Variants in PCDH10 observed in about 807,000 individuals in gnomAD.
PCDH10 encodes protocadherin-10.
Under a neutral mutation model 74.4 loss-of-function variants are expected in PCDH10, and 15 were observed. That is an observed-to-expected ratio of 0.20 (90% CI 0.13 to 0.31). The LOEUF (loss-of-function observed/expected upper bound fraction) is 0.31. Among genes scored for constraint, PCDH10 ranks in the 10% least tolerant of loss-of-function variants. The probability of loss-of-function intolerance (pLI) is 1.00; values close to 1 mark genes in which losing one functional copy is unlikely to be tolerated. For synonymous variants in PCDH10, 619 were observed against 589.8 expected (o/e 1.05, Z -0.72); for missense variants, 1,260 against 1,390.2 (o/e 0.91, Z 1.49).
chr4:133,151,626 G>A lies in PCDH10; in HGVS notation c.1486G>A (p.Ala496Thr). 1.2e-6 allele frequency: 2 copies of A among 1,613,752 alleles called. No individual in the cohort carries two copies. The highest frequency in any genetic ancestry group is 1.6e-4 in the Middle Eastern group (1 of 6,062). ...SATDRDEGAN[A>T]QLAYSILECQ... ...CACCGACCGGGATGAGGGCGCCAAC[G>A]CCCAGCTTGCCTACTCTATCCTCGA... Residue 496 changes from alanine (A) to threonine (T), a missense_variant, in exon 1 of 5, where the codon GCC (alanine) becomes ACC (threonine). By Grantham distance (58) the Ala-to-Thr change is moderately conservative. Around this residue, in one of 11 missense-constraint regions of PCDH10, gnomAD observed 587 missense variants for 616.9 expected, o/e 0.95. Transcript: ENST00000264360.
At position 133,190,177 on chromosome 4, in the gene PCDH10, T is replaced by G; in HGVS notation, c.*17T>G. ...ATATGCTAGTCAATTCTACAGGACT[T>G]ACCTGAAGCAGCATGATTTGCACAA... On this transcript the variant is annotated 3_prime_UTR_variant, in exon 5 of 5. Transcript: ENST00000264360. 6.2e-7 allele frequency: 1 copy of G among 1,608,192 alleles called. No homozygotes were observed. The highest frequency in any genetic ancestry group is 8.5e-7 in the Non-Finnish European group (1 of 1,174,790).
In PCDH10 at chr4:133,182,359, C is replaced by CA. The variant is rs1001408770; in HGVS notation, c.3104-7774dup. Among the ~76,000 whole-genome samples the CA allele has an allele frequency of 2.6e-5, 4 of 151,102 alleles. No homozygotes were observed. The East Asian group carries it at 7.8e-4, about 29-fold the overall frequency. On this transcript the variant is annotated intron_variant, in intron 4 of 4. Transcript: ENST00000264360. ...TAAATATTATCAGCTCTGTACTTCT[C>CA]AAAAAAAAGGAACTGTGTATTTTTT... is the stretch of plus-strand genomic sequence containing the variant.
At chr4:133,182,821 T>C (rs1276323079) in intron 4 of PCDH10, among the ~76,000 whole-genome samples, 1 of 152,110 alleles carries the variant, frequency 6.6e-6, no homozygotes, top group Non-Finnish European at 1.5e-5. Context: ...CCTGTTATTT[T>C]TCTCCTAAGG....
rs765761244 is a variant in PCDH10 at position 133,194,516 on chromosome 4, G to C, written c.*4356G>C. The C allele has an allele frequency of 4.6e-5, 7 of 151,772 alleles. No individual in the cohort carries two copies. Among genetic ancestry groups the C allele is most frequent in the Non-Finnish European group, 8.8e-5 (6 of 67,808 alleles). 9.4% of individuals were successfully genotyped at this position (151,772 alleles called of 1,614,324 possible). On this transcript the variant is annotated 3_prime_UTR_variant, in exon 5 of 5. Transcript: ENST00000264360. ...AACTACAGTGTTTGTTACTGTGAAT[G>C]CTATAATAATACATAAGTAAAATGA... is the stretch of plus-strand genomic sequence containing the variant.
At chr4:133,197,969 TTGTGTGTGTGTGTGTG>T (rs70957500), downstream of PCDH10, among the ~76,000 whole-genome samples, 129 of 145,030 alleles carry the variant, frequency 8.9e-4, 1 homozygote, top group East Asian at 0.013. Flanking sequence ...TCTCTCAAAA[TTGTGTGTGTGTGTGTG>T]TGTGTGTGTG....
intron 4 of PCDH10, among the ~76,000 whole-genome samples, chr4:133,179,055 G>C (rs1727355077): frequency 6.6e-6 from 1 of 151,940 alleles, no homozygotes; most frequent in Non-Finnish European, 1.5e-5. Flanking sequence ...TTAGAATTGA[G>C]TTGGCCACAA....
At chr4:133,181,314 G>C (rs1376360051) in intron 4 of PCDH10, among the ~76,000 whole-genome samples, 1 of 151,674 alleles carries the variant, frequency 6.6e-6, no homozygotes, top group Non-Finnish European at 1.5e-5. Flanking sequence ...GAACTCTCAT[G>C]CCTTAATTTT....
chr4:133,195,369 T>G (rs538226648), downstream of PCDH10, among the ~76,000 whole-genome samples: 8 of 152,118 alleles, frequency 5.3e-5, no homozygotes, highest in African/African-American at 1.9e-4. Flanking sequence ...AATAAACCAA[T>G]TCAGTGGAAA....
At position 133,151,251 on chromosome 4, in the gene PCDH10, G is replaced by C; in HGVS notation, c.1111G>C (p.Ala371Pro). Reference protein sequence around the residue: ...STVKEAVSEGAAPGTVVALFS... With the variant: ...STVKEAVSEGPAPGTVVALFS... ...CGTGAAGGAAGCGGTGAGTGAGGGC[G>C]CGGCGCCCGGCACTGTGGTGGCCCT... is the stretch of plus-strand genomic sequence containing the variant. The change falls in exon 1 of 5, where the codon GCG (alanine) becomes CCG (proline). Residue 371 changes from alanine (A) to proline (P), a missense_variant. This residue lies in a region of PCDH10 where 112 missense variants were observed against 123.6 expected (regional missense o/e 0.91). Coordinates refer to ENST00000264360, the MANE Select transcript of PCDH10 (RefSeq NM_032961.3). The C allele has an allele frequency of 6.2e-7, 1 of 1,614,060 alleles. No homozygotes were observed. The highest frequency in any genetic ancestry group is 1.7e-5 in the Admixed American group (1 of 60,032).
intron 4 of PCDH10, among the ~76,000 whole-genome samples, chr4:133,175,462 C>T (rs1454351586): frequency 5.9e-5 from 9 of 151,950 alleles, no homozygotes; most frequent in Non-Finnish European, 8.8e-5. Context: ...GAAATGTTCT[C>T]GTGGCCTGGA....
chr4:133,165,659 G>A (rs531940675), intron 4 of PCDH10, among the ~76,000 whole-genome samples: 1 of 151,656 alleles, frequency 6.6e-6, no homozygotes, highest in Non-Finnish European at 1.5e-5. Context: ...GTTTCATAAT[G>A]AATATAATGT....
rs895196703 is a variant in PCDH10, at chr4:133,190,756, T to A, written c.*596T>A. ...TCAAAGCTTCTAAATAAATATAAAA[T>A]ATATATATTATATTATATAATTTTC... is the stretch of plus-strand genomic sequence containing the variant. On this transcript the variant is annotated 3_prime_UTR_variant, in exon 5 of 5. Coordinates refer to ENST00000264360, the MANE Select transcript of PCDH10 (RefSeq NM_032961.3). The A allele has an allele frequency of 2.0e-5, 3 of 149,622 alleles. No individual in the cohort carries two copies. The highest frequency in any genetic ancestry group is 7.3e-5 in the African/African-American group (3 of 41,028). The allele number at this position is 149,622 out of a possible 1,614,324, so 9.3% of individuals were successfully genotyped here.
chr4:133,197,819 G>A (rs1305727095), downstream of PCDH10, among the ~76,000 whole-genome samples: 1 of 152,056 alleles, frequency 6.6e-6, no homozygotes, highest in Non-Finnish European at 1.5e-5. Context: ...AGGAAGAAAA[G>A]AAGTGTTGGC....
At chr4:133,198,427 A>T (rs1277873544), downstream of PCDH10, among the ~76,000 whole-genome samples, 1 of 152,238 alleles carries the variant, frequency 6.6e-6, no homozygotes, top group Non-Finnish European at 1.5e-5. Context: ...AAAGAATGAA[A>T]TAAAGTGGTA....
At position 133,151,317 on chromosome 4, in the gene PCDH10, G is replaced by A. The variant is rs1302835631; in HGVS notation, c.1177G>A (p.Val393Met). 1 of 1,614,168 alleles carries A rather than the reference G, an allele frequency of 6.2e-7. No homozygotes were observed. The highest frequency in any genetic ancestry group is 8.5e-7 in the Non-Finnish European group (1 of 1,180,030). Residue 393 changes from valine (V) to methionine (M), a missense_variant, in exon 1 of 5, where the codon GTG (valine) becomes ATG (methionine). Physicochemically the swap from Val to Met is conservative, Grantham distance 21. Around this residue, in one of 11 missense-constraint regions of PCDH10, gnomAD observed 112 missense variants for 123.6 expected, o/e 0.91. Coordinates refer to ENST00000264360, the MANE Select transcript of PCDH10 (RefSeq NM_032961.3). ...TDRDSEENGQ[V>M]QCELLGDVPF... ...CCGCGACTCAGAGGAGAATGGGCAG[G>A]TGCAGTGCGAGCTACTGGGAGACGT...
At chr4:133,186,118 T>G (rs996540457) in intron 4 of PCDH10, among the ~76,000 whole-genome samples, 1 of 152,092 alleles carries the variant, frequency 6.6e-6, no homozygotes, top group African/African-American at 2.4e-5. Context: ...AAAATAGGAT[T>G]CCACAATATA....
chr4:133,150,016 C>A lies in PCDH10; in HGVS notation c.-125C>A. The A allele has an allele frequency of 7.5e-7, 1 of 1,335,592 alleles. No homozygotes were observed. Among genetic ancestry groups the A allele is most frequent in the Non-Finnish European group, 9.9e-7 (1 of 1,013,090 alleles). 82.7% of individuals were successfully genotyped at this position (1,335,592 alleles called of 1,614,324 possible). ...AGTAAGATTTTTAAAGACAGAAAGC[C>A]ACAGGAGCCCCCACGTAGCGCACTT... is the stretch of plus-strand genomic sequence containing the variant. On this transcript the variant is annotated 5_prime_UTR_variant, in exon 1 of 5. Transcript: ENST00000264360.
intron 4 of PCDH10, among the ~76,000 whole-genome samples, chr4:133,186,312 A>G (rs987145198): frequency 1.4e-4 from 21 of 152,156 alleles, no homozygotes; most frequent in African/African-American, 5.1e-4. Flanking sequence ...CTGAATGAAT[A>G]AAATTAAGAA....
At chr4:133,181,671 CTG>C (rs1440849199) in intron 4 of PCDH10, among the ~76,000 whole-genome samples, 1 of 151,970 alleles carries the variant, frequency 6.6e-6, no homozygotes, top group East Asian at 1.9e-4. Flanking sequence ...CATCTCTTCT[CTG>C]TGGCCAGTTT....
Sources: allele counts gnomAD v4.1 joint callset (sites outside exome capture counted in the v4.1 genomes callset), GRCh38; gene constraint gnomAD v4.1.1; regional missense constraint gnomAD v4.1.1; transcripts MANE v1.5; gene names NCBI Gene and HGNC (gene_info 2026-07-23, HGNC 2026-07-21).